Variants in TFCP2 observed in about 807,000 individuals in gnomAD.
TFCP2 encodes transcription factor CP2.
In TFCP2, 33 loss-of-function variants were observed where a neutral mutation model predicts 73.4. That is an observed-to-expected ratio of 0.45 (90% CI 0.34 to 0.60). The LOEUF is 0.60. TFCP2 is among the 20% of genes least tolerant of loss of function. TFCP2 has a pLI of 0.01. For synonymous variants in TFCP2, 193 were observed against 211.6 expected (o/e 0.91, Z 0.76); for missense variants, 352 against 604.0 (o/e 0.58, Z 4.37).
chr12:51,161,798 C>T (rs1183530032), intron 1 of TFCP2, among the ~76,000 whole-genome samples: 4 of 136,526 alleles, frequency 2.9e-5, no homozygotes, highest in African/African-American at 8.2e-5. Flanking sequence ...TTGACAGAAA[C>T]CACCCCATAG....
Position 51,095,288 on chromosome 12 carries a change from A to G in TFCP2, c.1472-10T>C. On this transcript the variant is annotated splice_polypyrimidine_tract_variant and intron_variant, in intron 14 of 14. Transcript: ENST00000257915. The stretch of plus-strand genomic sequence containing the variant: ...CTATCATTGGTTTCTGCTGTTAAAA[A>G]AAAGAGAGAGAGAGAATCATCTTTA... 1 of 1,613,952 alleles carries G rather than the reference A, an allele frequency of 6.2e-7. No homozygotes were observed. The highest frequency in any genetic ancestry group is 2.2e-5 in the East Asian group (1 of 44,888).
chr12:51,128,478 T>TAAAA (rs11324129), intron 1 of TFCP2, among the ~76,000 whole-genome samples: 5 of 137,276 alleles, frequency 3.6e-5, no homozygotes, highest in East Asian at 2.1e-4. Context: ...AGTATAATAA[T>TAAAA]AAAAAAAAAA....
chr12:51,128,313 G>A (rs1180443851), intron 1 of TFCP2, among the ~76,000 whole-genome samples: 1 of 151,866 alleles, frequency 6.6e-6, no homozygotes, highest in African/African-American at 2.4e-5. Flanking sequence ...CTGAAGAATA[G>A]GTTACTAAAA....
At chr12:51,160,471 T>C (rs1247866916) in intron 1 of TFCP2, among the ~76,000 whole-genome samples, 1 of 152,018 alleles carries the variant, frequency 6.6e-6, no homozygotes, top group Non-Finnish European at 1.5e-5. Context: ...TTTTCCATGT[T>C]AAGAATGAAA....
At chr12:51,099,383 G>C (rs1318442762) in intron 12 of TFCP2, among the ~76,000 whole-genome samples, 2 of 151,780 alleles carry the variant, frequency 1.3e-5, no homozygotes, top group East Asian at 3.9e-4. Context: ...TAGGCTGAGG[G>C]GAGAGAATCA....
chr12:51,120,909 C>CAA (rs35941534), intron 1 of TFCP2, among the ~76,000 whole-genome samples: 13,938 of 78,264 alleles, frequency 0.18, 1,462 homozygotes, highest in East Asian at 0.49. Context: ...GACTGTGTCT[C>CAA]AAAAAAAAAA....
At chr12:51,101,859 A>G (rs1189610992) in intron 11 of TFCP2, 76 bp downstream of exon 11, 10 of 879,614 alleles carry the variant, frequency 1.1e-5, no homozygotes, top group Non-Finnish European at 1.9e-5. Context: ...AGCTGTGTAG[A>G]GTATTGTGAA....
intron 1 of TFCP2, among the ~76,000 whole-genome samples, chr12:51,126,187 T>A (rs1457648771): frequency 2.2e-5 from 3 of 138,844 alleles, no homozygotes; most frequent in Non-Finnish European, 4.6e-5. Flanking sequence ...GAGCCGAGAT[T>A]GCGCTACTGC....
At chr12:51,129,703 C>T (rs1259749881) in intron 1 of TFCP2, among the ~76,000 whole-genome samples, 1 of 152,012 alleles carries the variant, frequency 6.6e-6, no homozygotes, top group African/African-American at 2.4e-5. Context: ...AGAGGGCCTC[C>T]TAATCAGTTC....
chr12:51,138,107 G>A (rs1463848704), intron 1 of TFCP2, among the ~76,000 whole-genome samples: 1 of 151,954 alleles, frequency 6.6e-6, no homozygotes, highest in Non-Finnish European at 1.5e-5. Context: ...ACTTTTCTGT[G>A]TATTTATTTA....
chr12:51,133,599 T>A (rs1261871893), intron 1 of TFCP2, among the ~76,000 whole-genome samples: 3 of 151,270 alleles, frequency 2.0e-5, no homozygotes, highest in Non-Finnish European at 4.4e-5. Context: ...GCGTGAGTCA[T>A]CATGCCCAGC....
chr12:51,169,014 C>A (rs542734637), intron 1 of TFCP2, among the ~76,000 whole-genome samples: 2 of 151,548 alleles, frequency 1.3e-5, no homozygotes, highest in South Asian at 4.2e-4. Flanking sequence ...GTTGGCCAGG[C>A]TGGTCTCAAA....
chr12:51,153,521 A>T (rs1941473648), intron 1 of TFCP2, among the ~76,000 whole-genome samples: 1 of 151,284 alleles, frequency 6.6e-6, no homozygotes, highest in African/African-American at 2.4e-5. Flanking sequence ...AGAACTTTTC[A>T]TCATCCCAAT....
At chr12:51,118,345 G>C (rs543827018) in intron 2 of TFCP2, among the ~76,000 whole-genome samples, 74 of 152,240 alleles carry the variant, frequency 4.9e-4, no homozygotes, top group African/African-American at 1.7e-3. Flanking sequence ...ATGAGGTCAG[G>C]AGATCGAGAC....
intron 1 of TFCP2, among the ~76,000 whole-genome samples, chr12:51,128,498 A>AAAAAAAAAAAAAC (rs1555253519): frequency 4.7e-5 from 7 of 149,026 alleles, no homozygotes; most frequent in East Asian, 2.0e-4. Flanking sequence ...AAAAACAAAA[A>AAAAAAAAAAAAAC]AAACAAACTA....
At chr12:51,132,603 T>G (rs575127659) in intron 1 of TFCP2, among the ~76,000 whole-genome samples, 5 of 151,978 alleles carry the variant, frequency 3.3e-5, no homozygotes, top group African/African-American at 1.2e-4. Context: ...ACTCCTGACC[T>G]TGTGATCCAC....
intron 1 of TFCP2, among the ~76,000 whole-genome samples, chr12:51,120,909 C>CAAAAA (rs35941534): frequency 1.4e-4 from 11 of 78,646 alleles, no homozygotes; most frequent in Admixed American, 4.4e-4. Flanking sequence ...GACTGTGTCT[C>CAAAAA]AAAAAAAAAA....
At chr12:51,113,567 C>T (rs1337270764) in intron 4 of TFCP2, among the ~76,000 whole-genome samples, 1 of 152,054 alleles carries the variant, frequency 6.6e-6, no homozygotes, top group African/African-American at 2.4e-5. Context: ...TTTACAAACG[C>T]AAAACAAAAT....
chr12:51,166,768 G>A (rs1941766269), intron 1 of TFCP2, among the ~76,000 whole-genome samples: 1 of 152,094 alleles, frequency 6.6e-6, no homozygotes, highest in Non-Finnish European at 1.5e-5. Context: ...TATTTTCAGG[G>A]TGCCAGATTT....
Sources: gnomAD v4.1 joint callset for allele counts (sites outside exome capture counted in the v4.1 genomes callset) on GRCh38, gnomAD v4.1.1 for gene constraint, MANE v1.5 for transcripts, NCBI Gene and HGNC (gene_info 2026-07-23, HGNC 2026-07-21) for gene names.